The following RNF220 variants were observed in gnomAD, a reference collection of about 807,000 sequenced individuals.
RNF220 encodes E3 ubiquitin-protein ligase RNF220.
A neutral mutation model predicts 67.1 loss-of-function variants in RNF220; 7 were observed. The observed-to-expected ratio is 0.10, with a 90% CI of 0.06 to 0.20. RNF220 has a LOEUF of 0.20. Among genes scored for constraint, RNF220 ranks in the 10% least tolerant of loss-of-function variants. The pLI, the probability that RNF220 is intolerant of heterozygous loss-of-function variation, is 1.00. For synonymous variants in RNF220, 270 were observed against 283.2 expected (o/e 0.95, Z 0.47); for missense variants, 565 against 740.3 (o/e 0.76, Z 2.75).
chr1:44,637,470 C>T (rs929914043), intron 8 of RNF220, among the ~76,000 whole-genome samples: 13 of 152,200 alleles, frequency 8.5e-5, no homozygotes, highest in African/African-American at 2.9e-4. Context: ...CATGGGTGTC[C>T]GATGGCAGCC....
chr1:44,489,299 C>G (rs1656636366), intron 2 of RNF220, among the ~76,000 whole-genome samples: 1 of 152,300 alleles, frequency 6.6e-6, no homozygotes, highest in Admixed American at 6.5e-5. Context: ...AAATAAGTAG[C>G]ATCAGACAAG....
rs555764997 is a variant in RNF220, at chr1:44,456,967, C to T, written c.625+44245C>T. Among the ~76,000 whole-genome samples, 7 of 152,194 alleles carry T rather than the reference C, an allele frequency of 4.6e-5. 1 individual carries two copies. The South Asian group carries it at 1.5e-3, about 32-fold the overall frequency. ...CCCGCTGTTCCCTGGATCTGGAACA[C>T]ACGTCCCCCCAACCCCTCCTGCTCC... On this transcript the variant is annotated intron_variant, in intron 2 of 14. Coordinates refer to ENST00000361799, the MANE Select transcript of RNF220 (RefSeq NM_018150.4).
chr1:44,477,137 A>G (rs533223154), intron 2 of RNF220, among the ~76,000 whole-genome samples: 43 of 152,354 alleles, frequency 2.8e-4, no homozygotes, highest in African/African-American at 9.6e-4. Flanking sequence ...GTTTCCTAAC[A>G]TATGCATATG....
intron 3 of RNF220, among the ~76,000 whole-genome samples, chr1:44,620,601 A>G (rs1202912084): frequency 6.6e-6 from 1 of 152,256 alleles, no homozygotes; most frequent in Non-Finnish European, 1.5e-5. Context: ...TGAACCATTT[A>G]TGAGCAAAAC....
At chr1:44,597,476 AC>A (rs1666592510) in intron 2 of RNF220, among the ~76,000 whole-genome samples, 1 of 13,928 alleles carries the variant, frequency 7.2e-5, no homozygotes, top group African/African-American at 3.3e-4. Context: ...ATGCACACAC[AC>A]ACACACACAC....
intron 2 of RNF220, among the ~76,000 whole-genome samples, chr1:44,518,360 G>A (rs562026273): frequency 1.3e-5 from 2 of 152,284 alleles, no homozygotes; most frequent in African/African-American, 4.8e-5. Context: ...GGGAGTTGGA[G>A]GCTGCAGTGA....
At chr1:44,407,489 G>C (rs1301660933) in intron 1 of RNF220, among the ~76,000 whole-genome samples, 1 of 152,060 alleles carries the variant, frequency 6.6e-6, no homozygotes, top group African/African-American at 2.4e-5. Flanking sequence ...ATCCCTCCTG[G>C]CCCGCAGAGA....
At chr1:44,444,127 G>A (rs571786708) in intron 2 of RNF220, among the ~76,000 whole-genome samples, 1 of 152,284 alleles carries the variant, frequency 6.6e-6, no homozygotes, top group Admixed American at 6.5e-5. Context: ...AACATTTCCA[G>A]CATGTGAGAA....
rs568541642 is a variant in RNF220 at position 44,561,465 on chromosome 1, C to T, written c.626-52700C>T. Among the ~76,000 whole-genome samples, 406 of 152,178 alleles carry T rather than the reference C, an allele frequency of 2.7e-3. 3 individuals carry two copies. The highest frequency in any genetic ancestry group is 9.1e-3 in the African/African-American group (376 of 41,520). ...TGAAGGTTGCAGTGAGCCCAGATCG[C>T]GCCACTGCACTCCAGCCTGGGCCAC... On this transcript the variant is annotated intron_variant, in intron 2 of 14. Coordinates refer to ENST00000361799, the MANE Select transcript of RNF220 (RefSeq NM_018150.4).
chr1:44,428,192 G>A (rs907489861), intron 2 of RNF220, among the ~76,000 whole-genome samples: 3 of 152,152 alleles, frequency 2.0e-5, no homozygotes, highest in Admixed American at 6.5e-5. Flanking sequence ...ACTCCTACCC[G>A]AGGAAGGACA....
At chr1:44,503,140 TC>T (rs1658079510) in intron 2 of RNF220, among the ~76,000 whole-genome samples, 1 of 151,718 alleles carries the variant, frequency 6.6e-6, no homozygotes, top group Non-Finnish European at 1.5e-5. Flanking sequence ...TCGAGACCAG[TC>T]TGGCCAACAT....
At chr1:44,583,965 C>T (rs1665502805) in intron 2 of RNF220, among the ~76,000 whole-genome samples, 1 of 152,220 alleles carries the variant, frequency 6.6e-6, no homozygotes, top group Non-Finnish European at 1.5e-5. Context: ...TTTTTGAGGA[C>T]TTACTATATA....
Position 44,623,262 on chromosome 1 carries a change from A to G in RNF220, c.804+475A>G, listed in dbSNP as rs118120180. The stretch of plus-strand genomic sequence containing the variant: ...GTGTGTACTTTGTCCTGAGGGGAAC[A>G]AGGAGCCAAGGAAGAGGCTGGACTC... On this transcript the variant is annotated intron_variant, in intron 4 of 14. Transcript: ENST00000361799. Among the ~76,000 whole-genome samples, 27 of 152,348 alleles carry G rather than the reference A, an allele frequency of 1.8e-4. No individual in the cohort carries two copies. In the East Asian group the frequency reaches 4.4e-3, roughly 25 times the overall value.
At chr1:44,593,346 C>T (rs755074030) in intron 2 of RNF220, among the ~76,000 whole-genome samples, 9 of 152,182 alleles carry the variant, frequency 5.9e-5, no homozygotes, top group African/African-American at 7.2e-5. Context: ...TTTAAGCTTT[C>T]GACCAACATG....
chr1:44,584,905 G>C (rs1665582459), intron 2 of RNF220, among the ~76,000 whole-genome samples: 1 of 152,166 alleles, frequency 6.6e-6, no homozygotes, highest in African/African-American at 2.4e-5. Flanking sequence ...CACCATGTTG[G>C]CCAGGCTGGT....
At chr1:44,500,792 AAG>A (rs1657772306) in intron 2 of RNF220, among the ~76,000 whole-genome samples, 1 of 149,824 alleles carries the variant, frequency 6.7e-6, no homozygotes, top group Non-Finnish European at 1.5e-5. Context: ...GGAGTCTCTA[AAG>A]AGAGAGGAGG....
chr1:44,577,626 A>G (rs1664905436), intron 2 of RNF220, among the ~76,000 whole-genome samples: 1 of 152,278 alleles, frequency 6.6e-6, no homozygotes, highest in Admixed American at 6.5e-5. Context: ...CAATGAAAAG[A>G]TACAAGATAC....
intron 2 of RNF220, among the ~76,000 whole-genome samples, chr1:44,509,318 AGGAGGGCAGATCAC>A (rs2148117706): frequency 1.3e-5 from 2 of 152,262 alleles, no homozygotes; most frequent in Admixed American, 1.3e-4. Flanking sequence ...TGGGAGGCCC[AGGAGGGCAGATCAC>A]GAGGTCAGGA....
intron 5 of RNF220, among the ~76,000 whole-genome samples, chr1:44,629,208 G>T (rs1055775742): frequency 2.6e-5 from 4 of 152,260 alleles, no homozygotes; most frequent in African/African-American, 9.6e-5. Context: ...CGCAAGGCCT[G>T]TTGAGGCCTA....
Sources: gnomAD v4.1 joint callset for allele counts (sites outside exome capture counted in the v4.1 genomes callset) on GRCh38, gnomAD v4.1.1 for gene constraint, MANE v1.5 for transcripts, NCBI Gene and HGNC (gene_info 2026-07-23, HGNC 2026-07-21) for gene names.